Variants in SVOP observed in about 807,000 individuals in gnomAD.
SVOP encodes the protein SV2 related protein.
Under a neutral mutation model 69.1 loss-of-function variants are expected in SVOP, and 17 were observed. That is an observed-to-expected ratio of 0.25 (90% CI 0.17 to 0.37). The LOEUF (loss-of-function observed/expected upper bound fraction) is 0.37, where lower values mean the gene tolerates loss of function less well. SVOP is among the 10% of genes least tolerant of loss of function. The pLI, the probability that SVOP is intolerant of heterozygous loss-of-function variation, is 1.00. For synonymous variants in SVOP, 238 were observed against 238.6 expected (o/e 1.00, Z 0.02); for missense variants, 435 against 597.5 (o/e 0.73, Z 2.84).
chr12:109,016,216 T>G (rs1161558736), intron 1 of SVOP, among the ~76,000 whole-genome samples: 1 of 152,218 alleles, frequency 6.6e-6, no homozygotes, highest in Non-Finnish European at 1.5e-5. Context: ...GCACTCAGCC[T>G]TGGGGAGAAG....
chr12:108,996,671 C>T (rs548027937), intron 1 of SVOP, among the ~76,000 whole-genome samples: 2 of 152,194 alleles, frequency 1.3e-5, no homozygotes, highest in East Asian at 3.9e-4. Context: ...TGGCTCATAC[C>T]TATAATTCTA....
chr12:108,936,449 C>T (rs1183403428), intron 10 of SVOP, among the ~76,000 whole-genome samples: 1 of 152,048 alleles, frequency 6.6e-6, no homozygotes, highest in African/African-American at 2.4e-5. Context: ...CACTTATGTG[C>T]TAATGAGTCC....
Position 108,961,029 on chromosome 12 carries a change from G to A in SVOP, c.472C>T (p.Leu158=), listed in dbSNP as rs1345263965. The A allele has an allele frequency of 1.3e-5, 20 of 1,536,310 alleles. No homozygotes were observed. Among genetic ancestry groups the A allele is most frequent in the Non-Finnish European group, 1.7e-5 (20 of 1,146,300 alleles). The change falls in exon 6 of 16, where the codon CTG becomes TTG. Residue 158 remains leucine, a synonymous_variant. Transcript: ENST00000610966. ...GRKTGLKISV[L]WTLYYGILSA... The stretch of plus-strand genomic sequence containing the variant: ...AGGATGCCATAGTACAGAGTCCACA[G>A]CACGCTGATCTTCAGCCCCTGAAGA...
At chr12:108,956,620 C>T (rs763137147) in intron 6 of SVOP, among the ~76,000 whole-genome samples, 1 of 152,176 alleles carries the variant, frequency 6.6e-6, no homozygotes, top group Non-Finnish European at 1.5e-5. Context: ...TTGACCGAAT[C>T]GGCACCTATT....
chr12:108,923,482 G>A (rs948466437), intron 11 of SVOP, among the ~76,000 whole-genome samples: 5 of 152,066 alleles, frequency 3.3e-5, no homozygotes, highest in African/African-American at 1.2e-4. Context: ...AGGTGGGGTG[G>A]TGGGTCCTTC....
chr12:109,011,956 T>C (rs1342537594), intron 1 of SVOP, among the ~76,000 whole-genome samples: 1 of 151,954 alleles, frequency 6.6e-6, no homozygotes, highest in Non-Finnish European at 1.5e-5. Context: ...TGGTAGGGGC[T>C]TGGAGGAATT....
rs1273104925 is a variant in SVOP at position 108,912,164 on chromosome 12, T to C, written c.*371A>G. 18 of 1,087,290 alleles carry C rather than the reference T, an allele frequency of 1.7e-5. No individual in the cohort carries two copies. The highest frequency in any genetic ancestry group is 1.9e-5 in the Non-Finnish European group (17 of 892,788). The allele number at this position is 1,087,290 out of a possible 1,614,324, so 67.4% of individuals were successfully genotyped here. A position where few individuals can be genotyped will look rare whatever the true frequency, so the allele number is the denominator to read the frequency against. On this transcript the variant is annotated 3_prime_UTR_variant, in exon 16 of 16. Transcript: ENST00000610966. ...AGCAGGTGTCACATGGGCCTGAGCC[T>C]GGACGGTATCTACAGAGAGATATTT...
At chr12:109,008,286 T>C (rs1021790626) in intron 1 of SVOP, among the ~76,000 whole-genome samples, 4 of 151,958 alleles carry the variant, frequency 2.6e-5, no homozygotes, top group African/African-American at 9.7e-5. Flanking sequence ...CTCTACAGAG[T>C]GGGGCCCAAG....
At chr12:108,956,164 T>G (rs1043654255) in intron 6 of SVOP, among the ~76,000 whole-genome samples, 1 of 151,634 alleles carries the variant, frequency 6.6e-6, no homozygotes, top group Non-Finnish European at 1.5e-5. Context: ...TAGCTGGGCG[T>G]GGTGTCAGGC....
rs1566043692 is a variant in SVOP, at chr12:108,908,462, C to G, written c.*4073G>C. 6.6e-6 allele frequency: 1 copy of G among 152,214 alleles called. No homozygotes were observed. The highest frequency in any genetic ancestry group is 2.4e-5 in the African/African-American group (1 of 41,442). 9.4% of individuals were successfully genotyped at this position (152,214 alleles called of 1,614,324 possible). ...ATTTCACAGAAAAACCTAGACTCCT[C>G]TTTTGAACATTGTAAGATCTGGTCA... is the stretch of plus-strand genomic sequence containing the variant. On this transcript the variant is annotated 3_prime_UTR_variant, in exon 16 of 16. Transcript: ENST00000610966.
At chr12:108,927,495 C>T (rs942014585) in intron 11 of SVOP, among the ~76,000 whole-genome samples, 15 of 152,140 alleles carry the variant, frequency 9.9e-5, no homozygotes, top group African/African-American at 3.1e-4. Flanking sequence ...ATTGTCTCCC[C>T]TTCCCCCCAA....
intron 1 of SVOP, among the ~76,000 whole-genome samples, chr12:108,998,938 C>A (rs1261777827): frequency 1.3e-4 from 19 of 149,724 alleles, no homozygotes; most frequent in Non-Finnish European, 2.7e-4. Context: ...ATCATAATGA[C>A]AGGATCAAAT....
Position 108,977,443 on chromosome 12 carries a change from A to G in SVOP, c.336T>C (p.His112=). The change falls in exon 4 of 16, where the codon CAT becomes CAC. Residue 112 remains histidine (H), a synonymous_variant. Transcript: ENST00000610966. ...MILSILAPQL[H]CEWRLPSWQV... ...GCCAGCTTGGGAGCCTCCACTCGCA[A>G]TGCAGCTGTGGTGCCAGGATGCTGA... The G allele has an allele frequency of 6.5e-7, 1 of 1,537,206 alleles. No homozygotes were observed. The highest frequency in any genetic ancestry group is 1.4e-5 in the African/African-American group (1 of 73,160).
At chr12:108,982,108 G>A (rs1015040782) in intron 2 of SVOP, among the ~76,000 whole-genome samples, 49,999 of 144,258 alleles carry the variant, frequency 0.35, 8,749 homozygotes, top group African/African-American at 0.46. Flanking sequence ...CATCACCATC[G>A]TAACCACCAT....
chr12:108,970,757 G>A (rs143136127), intron 5 of SVOP, among the ~76,000 whole-genome samples: 6 of 152,216 alleles, frequency 3.9e-5, no homozygotes, highest in Admixed American at 3.3e-4. Flanking sequence ...GCTCACATCT[G>A]TAATCCCAGC....
chr12:108,984,396 T>C (rs1296684436), intron 1 of SVOP, among the ~76,000 whole-genome samples: 1 of 152,202 alleles, frequency 6.6e-6, no homozygotes, highest in African/African-American at 2.4e-5. Flanking sequence ...TATCTCGCTG[T>C]CTGGAGCCCA....
chr12:108,943,499 C>T (rs1156821323), intron 7 of SVOP, among the ~76,000 whole-genome samples: 2 of 151,168 alleles, frequency 1.3e-5, no homozygotes, highest in Admixed American at 6.6e-5. Context: ...CTCAGGAGGC[C>T]GAGGCAGAGA....
intron 11 of SVOP, among the ~76,000 whole-genome samples, chr12:108,924,853 A>G (rs965785747): frequency 6.6e-6 from 1 of 152,186 alleles, no homozygotes; most frequent in Non-Finnish European, 1.5e-5. Context: ...GAAAATGCTG[A>G]CCACCATTGA....
intron 1 of SVOP, among the ~76,000 whole-genome samples, chr12:109,002,968 TA>T (rs1318259003): frequency 1.4e-5 from 2 of 140,360 alleles, no homozygotes; most frequent in East Asian, 2.0e-4. Context: ...TAAAAAAAAT[TA>T]AAAAATTAAA....
Sources: allele counts gnomAD v4.1 joint callset (sites outside exome capture counted in the v4.1 genomes callset), GRCh38; gene constraint gnomAD v4.1.1; transcripts MANE v1.5; gene names NCBI Gene and HGNC (gene_info 2026-07-23, HGNC 2026-07-21).